The following PAOX variants were observed in gnomAD, a reference collection of about 807,000 sequenced individuals.
PAOX encodes peroxisomal N(1)-acetyl-spermine/spermidine oxidase.
Under a neutral mutation model 39.0 loss-of-function variants are expected in PAOX, and 38 were observed. The observed-to-expected ratio is 0.97, with a 90% CI of 0.75 to 1.28. The LOEUF (loss-of-function observed/expected upper bound fraction) is 1.28. PAOX is among the 50% of genes most tolerant of loss of function. The probability of loss-of-function intolerance (pLI) is 0.00; values close to 1 mark genes in which losing one functional copy is unlikely to be tolerated. For synonymous variants in PAOX, 311 were observed against 314.4 expected (o/e 0.99, Z 0.11); for missense variants, 667 against 685.7 (o/e 0.97, Z 0.30).
Position 133,379,282 on chromosome 10 carries a change from C to A in PAOX, c.-35C>A, listed in dbSNP as rs920624843. 2.8e-5 allele frequency: 34 copies of A among 1,208,878 alleles called. No homozygotes were observed. The highest frequency in any genetic ancestry group is 3.5e-5 in the Non-Finnish European group (34 of 973,998). The allele number at this position is 1,208,878 out of a possible 1,614,324, so 74.9% of individuals were successfully genotyped here. On this transcript the variant is annotated 5_prime_UTR_variant, in exon 1 of 7. Coordinates refer to ENST00000278060, the MANE Select transcript of PAOX (RefSeq NM_152911.4). ...CCTCCGAGAGCTCCAGACCTCCCGG[C>A]TACTCAGAAGCCCTCGGACTGCCCG... is the stretch of plus-strand genomic sequence containing the variant.
intron 4 of PAOX, among the ~76,000 whole-genome samples, chr10:133,387,852 C>G (rs1288467175): frequency 6.6e-6 from 1 of 152,244 alleles, no homozygotes; most frequent in East Asian, 1.9e-4. Flanking sequence ...TGCCGAGTAG[C>G]TGGGACTACA....
chr10:133,391,371 G>C lies in PAOX; in HGVS notation c.1452G>C (p.Gly484=). 1 of 1,613,506 alleles carries C rather than the reference G, an allele frequency of 6.2e-7. No homozygotes were observed. The highest frequency in any genetic ancestry group is 1.1e-5 in the South Asian group (1 of 91,080). The change falls in exon 7 of 7, where the codon GGG becomes GGC. Residue 484 remains glycine, a synonymous_variant. Coordinates refer to ENST00000278060, the MANE Select transcript of PAOX (RefSeq NM_152911.4). ...THRTFYSTTH[G]ALLSGWREAD... ...GCACGTTTTACTCCACGACGCACGGGGCTCTGCTGTCGGGATGGAGGGAGG... is the reference window on the plus strand; with the variant it reads ...GCACGTTTTACTCCACGACGCACGGCGCTCTGCTGTCGGGATGGAGGGAGG...
chr10:133,385,854 A>G (rs1360629808), intron 4 of PAOX, among the ~76,000 whole-genome samples: 1 of 152,132 alleles, frequency 6.6e-6, no homozygotes. Context: ...AAGTGCTGGG[A>G]TTACAGGCAT....
At position 133,380,199 on chromosome 10, in the gene PAOX, G is replaced by A; in HGVS notation, c.382G>A (p.Ala128Thr). 1 of 1,612,648 alleles carries A rather than the reference G, an allele frequency of 6.2e-7. No homozygotes were observed. Among genetic ancestry groups the A allele is most frequent in the Non-Finnish European group, 8.5e-7 (1 of 1,179,780 alleles). Reference protein sequence around the residue: ...SGASVSLQLVAEMATLFYGLI... With the variant: ...SGASVSLQLVTEMATLFYGLI... ...GGCCAGCGTGAGCCTCCAGCTGGTG[G>A]CGGAGATGGCGACTCTGTTCTACGG... Residue 128 changes from alanine to threonine, a missense_variant, in exon 2 of 7, where the codon GCG becomes ACG. Ala to Thr is a moderately conservative substitution (Grantham distance 58). Coordinates refer to ENST00000278060, the MANE Select transcript of PAOX (RefSeq NM_152911.4).
intron 4 of PAOX, among the ~76,000 whole-genome samples, chr10:133,385,776 G>C (rs2133469222): frequency 6.6e-6 from 1 of 151,978 alleles, no homozygotes; most frequent in Non-Finnish European, 1.5e-5. Flanking sequence ...GTAGAGACAG[G>C]GTTTCACCGT....
Position 133,391,363 on chromosome 10 carries a change from A to T in PAOX, c.1444A>T (p.Thr482Ser), listed in dbSNP as rs1849677526. The T allele has an allele frequency of 6.2e-7, 1 of 1,613,534 alleles. No individual in the cohort carries two copies. The highest frequency in any genetic ancestry group is 1.3e-5 in the African/African-American group (1 of 75,024). ...CACACATCGCACGTTTTACTCCACG[A>T]CGCACGGGGCTCTGCTGTCGGGATG... Reference protein sequence around the residue: ...EATHRTFYSTTHGALLSGWRE... With the variant: ...EATHRTFYSTSHGALLSGWRE... The change falls in exon 7 of 7, where the codon ACG becomes TCG. Residue 482 changes from threonine to serine, a missense_variant. Physicochemically the swap from Thr to Ser is moderately conservative, Grantham distance 58. Transcript: ENST00000278060.
intron 6 of PAOX, among the ~76,000 whole-genome samples, chr10:133,390,410 CCACACACA>C (rs59249557): frequency 0.14 from 20,171 of 145,328 alleles, 2,066 homozygotes; most frequent in African/African-American, 0.3. Flanking sequence ...GAGTCGGTCT[CCACACACA>C]CACACACACA....
At chr10:133,382,434 A>G (rs989948632) in intron 3 of PAOX, among the ~76,000 whole-genome samples, 8 of 152,182 alleles carry the variant, frequency 5.3e-5, no homozygotes, top group Non-Finnish European at 1.0e-4. Flanking sequence ...GGCAGGGATG[A>G]GCACTGAGAC....
intron 6 of PAOX, 82 bp from the exon 7 acceptor site, chr10:133,391,230 T>G: frequency 7.1e-7 from 1 of 1,406,406 alleles, no homozygotes; most frequent in East Asian, 2.3e-5. Context: ...GGTGGATGCT[T>G]GTGAGCCATT....
intron 4 of PAOX, among the ~76,000 whole-genome samples, chr10:133,388,742 G>A (rs1253491029): frequency 6.6e-6 from 1 of 152,240 alleles, no homozygotes; most frequent in African/African-American, 2.4e-5. Flanking sequence ...CTGTGGGGTG[G>A]CTCTTTGTGC....
intron 6 of PAOX, 69 bp downstream of exon 6, chr10:133,389,816 C>T: frequency 1.4e-6 from 2 of 1,379,776 alleles, no homozygotes; most frequent in East Asian, 5.8e-5. Context: ...CTGGGCGCTG[C>T]AGGAGCACCA....
chr10:133,379,360 G>T lies in PAOX; in HGVS notation c.44G>T (p.Arg15Leu). 1 of 1,219,240 alleles carries T rather than the reference G, an allele frequency of 8.2e-7. No homozygotes were observed. Among genetic ancestry groups the T allele is most frequent in the South Asian group, 4.1e-5 (1 of 24,172 alleles). The allele number at this position is 1,219,240 out of a possible 1,614,324, so 75.5% of individuals were successfully genotyped here. The change falls in exon 1 of 7, where the codon CGG becomes CTG. Residue 15 changes from arginine (R) to leucine (L), a missense_variant. Transcript: ENST00000278060. Reference sequence around the variant, plus strand: ...GTCGGGGAGGCCCCGGGCGGACCCCGGGTGCTGGTGGTGGGCGGCGGCATC... The same window carrying T: ...GTCGGGGAGGCCCCGGGCGGACCCCTGGTGCTGGTGGTGGGCGGCGGCATC... ...GSVGEAPGGP[R>L]VLVVGGGIAG...
chr10:133,389,046 C>T lies in PAOX; in HGVS notation c.1212C>T (p.Thr404=), dbSNP rs1353405570. Reference sequence around the variant, plus strand: ...ATGAAGAAGTACTTCTGTGTCTCACCCAAGTGCTCCGGAGAGTGACAGGTA... The same window carrying T: ...ATGAAGAAGTACTTCTGTGTCTCACTCAAGTGCTCCGGAGAGTGACAGGTA... The part of the protein sequence containing the change: ...LSDEEVLLCL[T]QVLRRVTGNP... Residue 404 remains threonine, a synonymous_variant, in exon 5 of 7, where the codon ACC becomes ACT. Transcript: ENST00000278060. 3 of 1,613,798 alleles carry T rather than the reference C, an allele frequency of 1.9e-6. No homozygotes were observed. The highest frequency in any genetic ancestry group is 4.5e-5 in the East Asian group (2 of 44,902).
At chr10:133,380,624 C>G in intron 2 of PAOX, 139 bp downstream of exon 2, 2 of 1,249,316 alleles carry the variant, frequency 1.6e-6, no homozygotes, top group Non-Finnish European at 1.1e-6. Flanking sequence ...ACTGGTTGCT[C>G]CTTTCCCTAG....
At chr10:133,385,083 G>C (rs1227055822) in intron 4 of PAOX, among the ~76,000 whole-genome samples, 1 of 152,148 alleles carries the variant, frequency 6.6e-6, no homozygotes, top group African/African-American at 2.4e-5. Context: ...ATCACCTGAG[G>C]TCAGGAGTTC....
At chr10:133,382,995 C>A (rs969729160) in intron 3 of PAOX, 1 of 152,032 alleles carries the variant, frequency 6.6e-6, no homozygotes, top group African/African-American at 2.4e-5. Context: ...TCAGTAGATA[C>A]ATTGCTACAA....
intron 2 of PAOX, among the ~76,000 whole-genome samples, chr10:133,381,062 C>T (rs1216702766): frequency 1.3e-5 from 2 of 152,254 alleles, no homozygotes; most frequent in Non-Finnish European, 2.9e-5. Flanking sequence ...GCCAGACAGG[C>T]CCTCTCCCTG....
At position 133,380,210 on chromosome 10, in the gene PAOX, G is replaced by C. The variant is rs1367495866; in HGVS notation, c.393G>C (p.Ala131=). 6.2e-7 allele frequency: 1 copy of C among 1,612,688 alleles called. No homozygotes were observed. Among genetic ancestry groups the C allele is most frequent in the Non-Finnish European group, 8.5e-7 (1 of 1,179,942 alleles). ...SVSLQLVAEM[A]TLFYGLIDQT... is the part of the protein sequence containing the mutation. Reference sequence around the variant, plus strand: ...GCCTCCAGCTGGTGGCGGAGATGGCGACTCTGTTCTACGGCCTGATAGACC... The same window carrying C: ...GCCTCCAGCTGGTGGCGGAGATGGCCACTCTGTTCTACGGCCTGATAGACC... Residue 131 remains alanine (A), a synonymous_variant, in exon 2 of 7, where the codon GCG becomes GCC. Coordinates refer to ENST00000278060, the MANE Select transcript of PAOX (RefSeq NM_152911.4).
intron 5 of PAOX, 27 bp downstream of exon 5, chr10:133,389,095 C>A: frequency 6.6e-7 from 1 of 1,516,874 alleles, no homozygotes; most frequent in Non-Finnish European, 9.2e-7. Flanking sequence ...CACGCTGGTT[C>A]CTGCCTCTGC....
Sources: gnomAD v4.1 joint callset for allele counts (sites outside exome capture counted in the v4.1 genomes callset) on GRCh38, gnomAD v4.1.1 for gene constraint, MANE v1.5 for transcripts, NCBI Gene and HGNC (gene_info 2026-07-23, HGNC 2026-07-21) for gene names.